The following ASH1L variants were observed in gnomAD, a reference collection of about 807,000 sequenced individuals.
The protein encoded by ASH1L is ASH1 like histone lysine methyltransferase.
Under a neutral mutation model 269.0 loss-of-function variants are expected in ASH1L, and 23 were observed. That is an observed-to-expected ratio of 0.09 (90% confidence interval 0.06 to 0.12). The LOEUF is 0.12. ASH1L is among the 10% of genes least tolerant of loss of function. The probability of loss-of-function intolerance (pLI) is 1.00; values close to 1 mark genes in which losing one functional copy is unlikely to be tolerated. For missense variants in ASH1L, 2,912 were observed against 3,567.8 expected (o/e 0.82, Z 4.68); for synonymous variants, 1,187 against 1,253.5 (o/e 0.95, Z 1.12).
intron 5 of ASH1L, chr1:155,433,200 G>A (rs767497979): frequency 1.1e-5 from 17 of 1,543,038 alleles, no homozygotes; most frequent in South Asian, 2.4e-5. Flanking sequence ...ACCTGGCTTC[G>A]GATGCCTGCC....
chr1:155,378,208 T>C, intron 10 of ASH1L, 73 bp downstream of exon 10: 1 of 1,173,304 alleles, frequency 8.5e-7, no homozygotes, highest in Non-Finnish European at 1.3e-6. Context: ...CCTATTTAAC[T>C]GTACCCTCCA....
chr1:155,534,756 T>C (rs976049476), intron 1 of ASH1L, among the ~76,000 whole-genome samples: 11 of 152,060 alleles, frequency 7.2e-5, no homozygotes, highest in African/African-American at 2.7e-4. Flanking sequence ...AACATACAAA[T>C]GAAAAAGTTA....
intron 6 of ASH1L, chr1:155,395,994 C>T (rs563863167): frequency 1.3e-5 from 2 of 152,704 alleles, no homozygotes; most frequent in African/African-American, 4.8e-5. Flanking sequence ...CTCTATAAGA[C>T]TGAGTGACTT....
chr1:155,371,086 AT>A, intron 10 of ASH1L, 103 bp from the exon 11 acceptor site: 2 of 923,442 alleles, frequency 2.2e-6, no homozygotes, highest in Non-Finnish European at 3.3e-6. Context: ...CATGAAATCA[AT>A]TTTTATTTAA....
chr1:155,360,373 A>G lies in ASH1L; in HGVS notation c.6723T>C (p.Ala2241=), dbSNP rs1417084345. The G allele has an allele frequency of 6.2e-7, 1 of 1,613,074 alleles. No individual in the cohort carries two copies. Among genetic ancestry groups the G allele is most frequent in the Non-Finnish European group, 8.5e-7 (1 of 1,179,190 alleles). Residue 2241 remains alanine, a synonymous_variant, in exon 13 of 28, where the codon GCT becomes GCC. Transcript: ENST00000392403. ...VNGVYRIGLY[A]LKDMPAGTEL... is the part of the protein sequence containing the mutation. Reference sequence around the variant, plus strand: ...CAGTCCCAGCTGGCATGTCTTTAAGAGCATAGAGTCCAATCCGGTATACTC... The same window carrying G: ...CAGTCCCAGCTGGCATGTCTTTAAGGGCATAGAGTCCAATCCGGTATACTC...
At chr1:155,534,946 T>C (rs1315073085) in intron 1 of ASH1L, among the ~76,000 whole-genome samples, 2 of 152,178 alleles carry the variant, frequency 1.3e-5, no homozygotes, top group Non-Finnish European at 2.9e-5. Context: ...CCTCAGCACT[T>C]TGGCAGGCCA....
intron 1 of ASH1L, among the ~76,000 whole-genome samples, chr1:155,547,044 C>T (rs977228418): frequency 6.8e-6 from 1 of 147,832 alleles, no homozygotes; most frequent in Non-Finnish European, 1.5e-5. Context: ...CCTCTGCCTC[C>T]CAAGTTCAAG....
At chr1:155,361,945 A>G (rs1393254061) in intron 12 of ASH1L, among the ~76,000 whole-genome samples, 3 of 152,016 alleles carry the variant, frequency 2.0e-5, no homozygotes, top group Non-Finnish European at 4.4e-5. Context: ...GCTTACCTAT[A>G]CAAATCTTCC....
chr1:155,445,390 G>A (rs12037824), intron 4 of ASH1L, among the ~76,000 whole-genome samples: 37,021 of 151,938 alleles, frequency 0.24, 5,279 homozygotes, highest in East Asian at 0.72. Context: ...TTGCCATGTT[G>A]GCCAGGCTGG....
At chr1:155,556,400 ACGTG>A (rs766117602) in intron 1 of ASH1L, among the ~76,000 whole-genome samples, 1 of 104,016 alleles carries the variant, frequency 9.6e-6, no homozygotes. Context: ...ACATATATAT[ACGTG>A]TGTGTGTGTG....
rs1403108024 is a variant in ASH1L at position 155,336,476 on chromosome 1, C to T, written c.*1184G>A. On this transcript the variant is annotated 3_prime_UTR_variant, in exon 28 of 28. Transcript: ENST00000392403. ...TATAAGAACATCTAAAACATATATG[C>T]ATATGTATGTCTGAAAAGACAACAA... 1 of 152,262 alleles carries T rather than the reference C, an allele frequency of 6.6e-6. No homozygotes were observed. The highest frequency in any genetic ancestry group is 1.9e-4 in the East Asian group (1 of 5,236). 9.4% of individuals were successfully genotyped at this position (152,262 alleles called of 1,614,324 possible).
intron 21 of ASH1L, 62 bp downstream of exon 21, chr1:155,346,321 T>C (rs1553242522): frequency 6.5e-7 from 1 of 1,543,064 alleles, no homozygotes; most frequent in East Asian, 2.3e-5. Context: ...GCAGGACAGG[T>C]GAGATACCAT....
chr1:155,523,693 G>A (rs533460660), intron 1 of ASH1L, among the ~76,000 whole-genome samples: 12 of 152,022 alleles, frequency 7.9e-5, no homozygotes, highest in Non-Finnish European at 1.5e-4. Flanking sequence ...TCAACATGTC[G>A]AAACCCGTCT....
intron 2 of ASH1L, among the ~76,000 whole-genome samples, chr1:155,516,418 T>A (rs920213844): frequency 2.0e-5 from 3 of 152,162 alleles, no homozygotes; most frequent in African/African-American, 7.2e-5. Context: ...CAGTTTTATA[T>A]GTAGAAAACC....
At position 155,470,240 on chromosome 1, in the gene ASH1L, C is replaced by T. The variant is rs937060786; in HGVS notation, c.4984+7646G>A. ...TTGGGAAGCCGAGGCGGGTGGATCA[C>T]CATAGGTCAGGAGTTCGAGACCAGC... On this transcript the variant is annotated intron_variant, in intron 3 of 27. Transcript: ENST00000392403. Among the ~76,000 whole-genome samples, 3 of 152,154 alleles carry T rather than the reference C, an allele frequency of 2.0e-5. No homozygotes were observed. The South Asian group carries it at 6.2e-4, about 32-fold the overall frequency.
rs1485300512 is a variant in ASH1L at position 155,479,762 on chromosome 1, C to G, written c.3108G>C (p.Gln1036His). Residue 1036 changes from glutamine (Q) to histidine (H), a missense_variant, in exon 3 of 28, where the codon CAG becomes CAC. Coordinates refer to ENST00000392403, the MANE Select transcript of ASH1L (RefSeq NM_018489.3). ...TGGTTCCTTTCTTGCTGACATTTATCTGTTGGCCCAATTTAGAGCCAAATG... is the reference window on the plus strand; with the variant it reads ...TGGTTCCTTTCTTGCTGACATTTATGTGTTGGCCCAATTTAGAGCCAAATG... ...AATFGSKLGQ[Q>H]INVSKKGTIY... The G allele has an allele frequency of 6.2e-7, 1 of 1,614,178 alleles. No homozygotes were observed. The highest frequency in any genetic ancestry group is 8.5e-7 in the Non-Finnish European group (1 of 1,180,024).
chr1:155,418,886 G>A (rs1290231942), intron 5 of ASH1L, among the ~76,000 whole-genome samples: 1 of 151,062 alleles, frequency 6.6e-6, no homozygotes, highest in Non-Finnish European at 1.5e-5. Flanking sequence ...TGGCTAACAC[G>A]GCGAAACCCC....
In ASH1L at chr1:155,343,703, G is replaced by A. The variant is rs770725772; in HGVS notation, c.8021C>T (p.Pro2674Leu). The A allele has an allele frequency of 1.3e-5, 21 of 1,614,192 alleles. No individual in the cohort carries two copies. The highest frequency in any genetic ancestry group is 4.5e-5 in the East Asian group (2 of 44,884). ...GGACTGACGGACCGGGTGGCCATCAGGGGTGCGCCGACTATCCCTCATCAG... is the reference window on the plus strand; with the variant it reads ...GGACTGACGGACCGGGTGGCCATCAAGGGTGCGCCGACTATCCCTCATCAG... ...VYLMRDSRRTPDGHPVRQSYR... is the reference protein window; with the variant it reads ...VYLMRDSRRTLDGHPVRQSYR... The change falls in exon 23 of 28, where the codon CCT (proline) becomes CTT (leucine). Residue 2674 changes from proline (P) to leucine (L), a missense_variant. By Grantham distance (98) the Pro-to-Leu change is moderately conservative. This residue lies in a region of ASH1L where 179 missense variants were observed against 293.8 expected (regional missense o/e 0.61). Coordinates refer to ENST00000392403, the MANE Select transcript of ASH1L (RefSeq NM_018489.3). This position sits in a 1 kb window ranked among gnomAD's most constrained non-coding sequence, Gnocchi z 6.1.
intron 1 of ASH1L, among the ~76,000 whole-genome samples, chr1:155,550,909 G>A (rs768873841): frequency 5.3e-5 from 8 of 151,978 alleles, no homozygotes; most frequent in African/African-American, 1.2e-4. Flanking sequence ...CTGCAGCCTC[G>A]ACCTCCTGGG....
Sources: allele counts gnomAD v4.1 joint callset (sites outside exome capture counted in the v4.1 genomes callset), GRCh38; gene constraint gnomAD v4.1.1; regional missense constraint gnomAD v4.1.1; non-coding constraint Gnocchi (gnomAD v3.1); transcripts MANE v1.5; gene names NCBI Gene and HGNC (gene_info 2026-07-23, HGNC 2026-07-21).